Variants in UBE2J2 observed in about 807,000 individuals in gnomAD.
The protein encoded by UBE2J2 is ubiquitin-conjugating enzyme E2 J2.
UBE2J2 carries 5 observed loss-of-function variants against 28.6 expected under a neutral mutation model. The observed-to-expected ratio is 0.17, with a 90% CI of 0.09 to 0.37. UBE2J2 has a LOEUF of 0.37. Ranked by LOEUF, UBE2J2 falls within the 10% of genes least tolerant of loss-of-function variation. The pLI, the probability that UBE2J2 is intolerant of heterozygous loss-of-function variation, is 1.00. For synonymous variants in UBE2J2, 138 were observed against 139.7 expected (o/e 0.99, Z 0.09); for missense variants, 226 against 338.9 (o/e 0.67, Z 2.62).
chr1:1,263,578 G>A (rs1234487660), intron 2 of UBE2J2, 192 bp from the exon 3 acceptor site: 30 of 579,100 alleles, frequency 5.2e-5, no homozygotes, highest in Non-Finnish European at 7.2e-5. Context: ...GGTGCTTTTA[G>A]TCTCTTGTAA....
At position 1,265,603 on chromosome 1, in the gene UBE2J2, T is replaced by TTGTGTGTGTGTGTG. The variant is rs57125925; in HGVS notation, c.132-2231_132-2218dup. Among the ~76,000 whole-genome samples, 550 of 121,010 alleles carry TTGTGTGTGTGTGTG rather than the reference T, an allele frequency of 4.5e-3. 3 individuals carry two copies. The highest frequency in any genetic ancestry group is 9.2e-3 in the East Asian group (36 of 3,906). The allele number at this position is 121,010 out of a possible 152,430, so 79.4% of individuals were successfully genotyped here. On this transcript the variant is annotated intron_variant, in intron 2 of 6. Transcript: ENST00000349431. ...TGTGTGTGTGTGTGTTTTCTCTCCATTGTGTGTGTGTGTGTGTGTGTGTGT... is the reference window on the plus strand; with the variant it reads ...TGTGTGTGTGTGTGTTTTCTCTCCATTGTGTGTGTGTGTGTGTGTGTGTGTGTGTGTGTGTGTGT...
chr1:1,267,891 G>C lies in UBE2J2; in HGVS notation c.102C>G (p.Ala34=). The C allele has an allele frequency of 6.2e-7, 1 of 1,614,076 alleles. No homozygotes were observed. The highest frequency in any genetic ancestry group is 1.1e-5 in the South Asian group (1 of 91,082). The change falls in exon 2 of 7, where the codon GCC becomes GCG. Residue 34 remains alanine, a synonymous_variant. Coordinates refer to ENST00000349431, the MANE Select transcript of UBE2J2 (RefSeq NM_058167.3). ...CGAGAATATTCGAAGGGAGGGGCTC[G>C]GCACAGATGTAAGGCACCGGGTCTT... ...IKKDPVPYIC[A]EPLPSNILEW...
chr1:1,265,030 GCT>G (rs1440383793), intron 2 of UBE2J2, among the ~76,000 whole-genome samples: 4 of 152,172 alleles, frequency 2.6e-5, no homozygotes, highest in African/African-American at 9.7e-5. Context: ...GAACCCAGTG[GCT>G]CTGAGCTCAG....
chr1:1,255,930 A>G, intron 6 of UBE2J2, 115 bp downstream of exon 6: 1 of 792,128 alleles, frequency 1.3e-6, no homozygotes, highest in South Asian at 1.6e-5. Context: ...GGGGGAGAGG[A>G]GCCATCCCCT....
intron 3 of UBE2J2, among the ~76,000 whole-genome samples, chr1:1,259,963 C>T (rs535654775): frequency 7.9e-5 from 12 of 152,332 alleles, no homozygotes; most frequent in African/African-American, 2.9e-4. Flanking sequence ...TCCCTCGTGT[C>T]TCTCTCTTGA....
chr1:1,258,453 C>G (rs553008938), intron 3 of UBE2J2, among the ~76,000 whole-genome samples: 1 of 152,104 alleles, frequency 6.6e-6, no homozygotes, highest in Non-Finnish European at 1.5e-5. Flanking sequence ...CCCCCTCTTC[C>G]CACTCCAGCC....
chr1:1,271,794 G>C (rs1176590727), intron 1 of UBE2J2, among the ~76,000 whole-genome samples: 1 of 151,860 alleles, frequency 6.6e-6, no homozygotes, highest in Non-Finnish European at 1.5e-5. Context: ...GACCAACATG[G>C]TAAAACCCCG....
intron 3 of UBE2J2, among the ~76,000 whole-genome samples, chr1:1,260,581 C>G (rs935081688): frequency 6.6e-6 from 1 of 152,226 alleles, no homozygotes. Flanking sequence ...CACACACACA[C>G]AGACGTTCAC....
intron 3 of UBE2J2, chr1:1,262,230 T>TA (rs1639606656): frequency 2.3e-6 from 1 of 433,574 alleles, no homozygotes; most frequent in African/African-American, 2.0e-5. Flanking sequence ...ACAAGTACTT[T>TA]AACACGCCCT....
chr1:1,273,800 GCAGCGCCGCCGCCGCCGCCT>G lies in UBE2J2; in HGVS notation c.-155_-136del, dbSNP rs1473769518. The G allele has an allele frequency of 2.0e-5, 3 of 147,068 alleles. No homozygotes were observed. The highest frequency in any genetic ancestry group is 4.4e-5 in the Non-Finnish European group (3 of 68,650). The allele number at this position is 147,068 out of a possible 1,614,324, so 9.1% of individuals were successfully genotyped here. On this transcript the variant is annotated 5_prime_UTR_variant, in exon 1 of 7. Transcript: ENST00000349431. ...CGGGATTGGGCCCACCGAACCCGCCGCAGCGCCGCCGCCGCCGCCTCAGCCTCCAAGATGGCCGCTCGCGG... is the reference window on the plus strand; with the variant it reads ...CGGGATTGGGCCCACCGAACCCGCCGCAGCCTCCAAGATGGCCGCTCGCGG...
At position 1,266,201 on chromosome 1, in the gene UBE2J2, C is replaced by G; in HGVS notation, c.131+1661G>C. 5 of 1,280,934 alleles carry G rather than the reference C, an allele frequency of 3.9e-6. No homozygotes were observed. In the South Asian group the frequency reaches 6.3e-5, roughly 16 times the overall value. 79.3% of individuals were successfully genotyped at this position (1,280,934 alleles called of 1,614,324 possible). On this transcript the variant is annotated intron_variant, in intron 2 of 6. Coordinates refer to ENST00000349431, the MANE Select transcript of UBE2J2 (RefSeq NM_058167.3). ...CTCACCCTGGGTATCCTCCGCCTGC[C>G]TGGGCTGGGCCTCCTCTGTGAGCCA...
intron 5 of UBE2J2, among the ~76,000 whole-genome samples, chr1:1,256,738 TA>T (rs1557548836): frequency 1.3e-5 from 2 of 150,776 alleles, no homozygotes; most frequent in Non-Finnish European, 3.0e-5. Context: ...AAAAAAAAAT[TA>T]GCCGGGCGTG....
intron 5 of UBE2J2, 57 bp downstream of exon 5, chr1:1,256,935 G>A (rs1570537033): frequency 2.8e-6 from 3 of 1,066,118 alleles, no homozygotes; most frequent in Non-Finnish European, 3.8e-6. Flanking sequence ...CAGGAACAGA[G>A]AACAGCCCCC....
In UBE2J2 at chr1:1,254,148, G is replaced by A. The variant is rs1361163189; in HGVS notation, c.*1055C>T. ...GTACATCCCACCCAGGCGAAGTCACGGAACAGACGCAGAAGAGGGGAGACG... is the reference window on the plus strand; with the variant it reads ...GTACATCCCACCCAGGCGAAGTCACAGAACAGACGCAGAAGAGGGGAGACG... On this transcript the variant is annotated 3_prime_UTR_variant, in exon 7 of 7. Coordinates refer to ENST00000349431, the MANE Select transcript of UBE2J2 (RefSeq NM_058167.3). The A allele has an allele frequency of 1.3e-5, 2 of 152,232 alleles. No homozygotes were observed. Among genetic ancestry groups the A allele is most frequent in the African/African-American group, 4.8e-5 (2 of 41,460 alleles). The allele number at this position is 152,232 out of a possible 1,614,324, so 9.4% of individuals were successfully genotyped here.
chr1:1,258,083 A>G (rs1639315948), intron 3 of UBE2J2, among the ~76,000 whole-genome samples: 1 of 151,174 alleles, frequency 6.6e-6, no homozygotes, highest in African/African-American at 2.4e-5. Context: ...TCTGTCGCCC[A>G]GGCTGGAGTG....
chr1:1,255,866 C>T (rs1052355136), intron 6 of UBE2J2, among the ~76,000 whole-genome samples, 179 bp downstream of exon 6: 2 of 152,258 alleles, frequency 1.3e-5, no homozygotes, highest in Admixed American at 6.5e-5. Flanking sequence ...CACAGCTGTC[C>T]GCAGGCCACC....
In UBE2J2 at chr1:1,255,027, A is replaced by G. The variant is rs994406972; in HGVS notation, c.*176T>C. The G allele has an allele frequency of 4.5e-6, 3 of 669,018 alleles. No individual in the cohort carries two copies. Among genetic ancestry groups the G allele is most frequent in the Non-Finnish European group, 7.3e-6 (3 of 410,640 alleles). The allele number at this position is 669,018 out of a possible 1,614,324, so 41.4% of individuals were successfully genotyped here. A position where few individuals can be genotyped will look rare whatever the true frequency, so the allele number is the denominator to read the frequency against. On this transcript the variant is annotated 3_prime_UTR_variant, in exon 7 of 7. Transcript: ENST00000349431. ...GTGGCCAGGACAGGGCTGAGGCTCC[A>G]GTCTCCTCCAAAGCCCAGTCACACA...
Position 1,255,482 on chromosome 1 carries a change from A to G in UBE2J2, c.501T>C (p.Ile167=). 6.2e-7 allele frequency: 1 copy of G among 1,607,816 alleles called. No individual in the cohort carries two copies. Among genetic ancestry groups the G allele is most frequent in the Non-Finnish European group, 8.5e-7 (1 of 1,175,428 alleles). The stretch of plus-strand genomic sequence containing the variant: ...CGTCTTGTGCTTTCTGTTTTTGTTT[A>G]ATCTCCTAAGAGAAAAACAGCGAGA... ...CELFPEVVEE[I]KQKQKAQDEL... Residue 167 remains isoleucine (I), a synonymous_variant, in exon 7 of 7, where the codon ATT becomes ATC. Coordinates refer to ENST00000349431, the MANE Select transcript of UBE2J2 (RefSeq NM_058167.3).
chr1:1,265,585 G>A (rs1639804627), intron 2 of UBE2J2, among the ~76,000 whole-genome samples: 1 of 149,498 alleles, frequency 6.7e-6, no homozygotes, highest in South Asian at 2.1e-4. Flanking sequence ...GTGTGTGTGT[G>A]TGTGTGTTTT....
Sources: gnomAD v4.1 joint callset for allele counts (sites outside exome capture counted in the v4.1 genomes callset) on GRCh38, gnomAD v4.1.1 for gene constraint, MANE v1.5 for transcripts, NCBI Gene and HGNC (gene_info 2026-07-23, HGNC 2026-07-21) for gene names.